TTC23: variants seen among roughly 807,000 people sequenced by gnomAD.
TTC23 encodes tetratricopeptide repeat domain 23.
A neutral mutation model predicts 55.1 loss-of-function variants in TTC23; 58 were observed. The observed-to-expected ratio is 1.05, with a 90% CI of 0.85 to 1.31. The LOEUF is 1.31. Ranked by LOEUF, TTC23 falls within the 50% of genes most tolerant of loss-of-function variation. TTC23 has a pLI of 0.00. For synonymous variants in TTC23, 203 were observed against 199.9 expected, an observed-to-expected ratio of 1.02 and a Z score of -0.13; for missense variants, 516 against 534.4, an observed-to-expected ratio of 0.97 and a Z score of 0.34.
intron 6 of TTC23, 72 bp from the exon 7 acceptor site, chr15:99,219,120 CTGGG>C: frequency 6.5e-7 from 1 of 1,537,118 alleles, no homozygotes; most frequent in African/African-American, 1.4e-5. Flanking sequence ...TCCTTATGGT[CTGGG>C]AATCTAACAA....
intron 8 of TTC23, among the ~76,000 whole-genome samples, chr15:99,210,495 A>G (rs2076958897): frequency 6.6e-6 from 1 of 152,250 alleles, no homozygotes; most frequent in South Asian, 2.1e-4. Context: ...TATTCTAGGC[A>G]CATAGTGTCC....
At chr15:99,175,209 G>A (rs754666696) in intron 9 of TTC23, 54 bp from the exon 10 acceptor site, 3 of 1,430,782 alleles carry the variant, frequency 2.1e-6, no homozygotes, top group Non-Finnish European at 2.9e-6. Context: ...AGCAGCAGCA[G>A]GGAATTAACT....
At chr15:99,145,561 G>A (rs1555492743) in intron 12 of TTC23, among the ~76,000 whole-genome samples, 1 of 151,728 alleles carries the variant, frequency 6.6e-6, no homozygotes, top group Non-Finnish European at 1.5e-5. Context: ...GGAGGGAGGT[G>A]GTGGGGATGG....
intron 12 of TTC23, among the ~76,000 whole-genome samples, chr15:99,142,710 A>G (rs2068378238): frequency 6.6e-6 from 1 of 152,190 alleles, no homozygotes; most frequent in Non-Finnish European, 1.5e-5. Flanking sequence ...ATATGCACGA[A>G]TCCCCGGGAA....
intron 10 of TTC23, among the ~76,000 whole-genome samples, chr15:99,172,941 G>A (rs1045660265): frequency 1.4e-4 from 21 of 152,306 alleles, no homozygotes; most frequent in Middle Eastern, 3.4e-3. Flanking sequence ...GCAAAGCAGA[G>A]TGGCCTAACT....
rs577566684 is a variant in TTC23, at chr15:99,148,227, G to C, written c.1143+7921C>G. Among the ~76,000 whole-genome samples, 90 of 151,780 alleles carry C rather than the reference G, an allele frequency of 5.9e-4. 1 individual carries two copies. Among genetic ancestry groups the C allele is most frequent in the African/African-American group, 2.1e-3 (85 of 41,404 alleles). On this transcript the variant is annotated intron_variant, in intron 12 of 13. Coordinates refer to ENST00000394132, the MANE Select transcript of TTC23 (RefSeq NM_001288615.3). ...AATACACAAGTTAGCCAGGCATGGT[G>C]GCACATGCCTGTAGTCCAAACTACT...
intron 8 of TTC23, among the ~76,000 whole-genome samples, chr15:99,215,813 G>A (rs1397945006): frequency 1.3e-5 from 2 of 151,898 alleles, no homozygotes; most frequent in East Asian, 1.9e-4. Context: ...AAATTAATGG[G>A]TATAAAATGG....
chr15:99,230,308 A>T (rs1350848407), intron 4 of TTC23, among the ~76,000 whole-genome samples: 1 of 152,208 alleles, frequency 6.6e-6, no homozygotes, highest in Non-Finnish European at 1.5e-5. Flanking sequence ...GAATTTGTAG[A>T]CATAGCAATA....
intron 9 of TTC23, among the ~76,000 whole-genome samples, chr15:99,187,200 T>C (rs2074749833): frequency 6.6e-6 from 1 of 151,796 alleles, no homozygotes; most frequent in African/African-American, 2.4e-5. Flanking sequence ...CAAAATAATT[T>C]GATGGTGAAA....
intron 11 of TTC23, chr15:99,160,450 T>C (rs2151893588): frequency 6.6e-6 from 1 of 152,272 alleles, no homozygotes; most frequent in East Asian, 1.9e-4. Context: ...GTGTAACAAC[T>C]ACTACCATAG....
rs553775962 is a variant in TTC23, at chr15:99,149,045, G to T, written c.1143+7103C>A. On this transcript the variant is annotated intron_variant, in intron 12 of 13. Coordinates refer to ENST00000394132, the MANE Select transcript of TTC23 (RefSeq NM_001288615.3). ...CTGCTGAGTTGAAAACTTAGGGGAG[G>T]CAGCTGCTGCTGTGATAAACACGAG... is the stretch of plus-strand genomic sequence containing the variant. Among the ~76,000 whole-genome samples the T allele has an allele frequency of 2.0e-5, 3 of 152,306 alleles. No homozygotes were observed. In the South Asian group the frequency reaches 6.2e-4, roughly 32 times the overall value.
At chr15:99,196,430 A>G (rs2075715144) in intron 9 of TTC23, among the ~76,000 whole-genome samples, 1 of 152,198 alleles carries the variant, frequency 6.6e-6, no homozygotes, top group Admixed American at 6.5e-5. Flanking sequence ...AAACTACAAA[A>G]GGTTTTTGTA....
At chr15:99,212,846 G>A (rs987087452) in intron 8 of TTC23, among the ~76,000 whole-genome samples, 1 of 152,026 alleles carries the variant, frequency 6.6e-6, no homozygotes, top group African/African-American at 2.4e-5. Flanking sequence ...TTAGCTGGGT[G>A]CAGTGGCACG....
chr15:99,137,665 G>A lies in TTC23; in HGVS notation c.*345C>T. On this transcript the variant is annotated 3_prime_UTR_variant, in exon 14 of 14. Transcript: ENST00000394132. ...ACTCCACACCTATGCAAGGAGCTGT[G>A]TGTACAAGCAGATGCCGGGCTGACT... 4.0e-6 allele frequency: 1 copy of A among 252,876 alleles called. No homozygotes were observed. The highest frequency in any genetic ancestry group is 7.0e-5 in the South Asian group (1 of 14,286). 15.7% of individuals were successfully genotyped at this position (252,876 alleles called of 1,614,324 possible).
chr15:99,230,744 C>T (rs753711414), intron 4 of TTC23, among the ~76,000 whole-genome samples: 12 of 152,224 alleles, frequency 7.9e-5, no homozygotes, highest in Non-Finnish European at 1.3e-4. Flanking sequence ...AAGTTGTCAA[C>T]CTTAAATTCC....
chr15:99,195,730 A>G (rs1462860626), intron 9 of TTC23, among the ~76,000 whole-genome samples: 1 of 152,150 alleles, frequency 6.6e-6, no homozygotes, highest in Non-Finnish European at 1.5e-5. Flanking sequence ...TATGGACTTT[A>G]GGTGATAATG....
chr15:99,194,577 A>G (rs1238179061), intron 9 of TTC23, among the ~76,000 whole-genome samples: 1 of 147,326 alleles, frequency 6.8e-6, no homozygotes, highest in African/African-American at 2.5e-5. Flanking sequence ...AAAAAAAAAG[A>G]TTTCAGACAC....
At chr15:99,202,761 C>T (rs1227333886) in intron 8 of TTC23, among the ~76,000 whole-genome samples, 2 of 152,108 alleles carry the variant, frequency 1.3e-5, no homozygotes, top group African/African-American at 4.8e-5. Flanking sequence ...AAATGAGAGG[C>T]AGGAGAATCA....
chr15:99,188,102 C>A (rs934802210), intron 9 of TTC23, among the ~76,000 whole-genome samples: 1 of 151,950 alleles, frequency 6.6e-6, no homozygotes, highest in Non-Finnish European at 1.5e-5. Flanking sequence ...AAATGCCCAT[C>A]TACTGATGAA....
Sources: allele counts gnomAD v4.1 joint callset (sites outside exome capture counted in the v4.1 genomes callset), GRCh38; gene constraint gnomAD v4.1.1; transcripts MANE v1.5; gene names NCBI Gene and HGNC (gene_info 2026-07-23, HGNC 2026-07-21).